Variants in DSG2 observed in about 807,000 individuals in gnomAD.
DSG2 encodes desmoglein 2.
Under a neutral mutation model 75.6 loss-of-function variants are expected in DSG2, and 45 were observed. The ratio of observed to expected loss-of-function variants is 0.60; its 90% CI spans 0.47 to 0.76. The LOEUF (loss-of-function observed/expected upper bound fraction) is 0.76, where lower values mean the gene tolerates loss of function less well. DSG2 is among the 30% of genes least tolerant of loss of function. The pLI, the probability that DSG2 is intolerant of heterozygous loss-of-function variation, is 0.00. For missense variants in DSG2, 1,267 were observed against 1,357.4 expected, an observed-to-expected ratio of 0.93 and a Z score of 1.05; for synonymous variants, 429 against 483.9, an observed-to-expected ratio of 0.89 and a Z score of 1.49.
intron 1 of DSG2, among the ~76,000 whole-genome samples, chr18:31,513,449 C>T (rs1054631234): frequency 6.6e-6 from 1 of 152,182 alleles, no homozygotes; most frequent in Non-Finnish European, 1.5e-5. Context: ...CACATTTATG[C>T]CTAAACCAGC....
chr18:31,531,817 A>T (rs756031687), intron 9 of DSG2, among the ~76,000 whole-genome samples: 1 of 152,236 alleles, frequency 6.6e-6, no homozygotes, highest in African/African-American at 2.4e-5. Context: ...CAAGATGCTC[A>T]CTGTGTTGGA....
Position 31,522,185 on chromosome 18 carries a change from C to T in DSG2, c.626C>T (p.Pro209Leu). The T allele has an allele frequency of 1.2e-6, 2 of 1,613,836 alleles. No individual in the cohort carries two copies. The highest frequency in any genetic ancestry group is 8.5e-7 in the Non-Finnish European group (1 of 1,179,804). Residue 209 changes from proline to leucine, a missense_variant, in exon 6 of 15, where the codon CCA becomes CTA. Physicochemically the swap from Pro to Leu is moderately conservative, Grantham distance 98. Coordinates refer to ENST00000261590, the MANE Select transcript of DSG2 (RefSeq NM_001943.5). Reference protein sequence around the residue: ...RIVSLEPAYPPVFYLNKDTGE... With the variant: ...RIVSLEPAYPLVFYLNKDTGE... ...GTATCTCTGGAGCCTGCTTATCCTC[C>T]AGTGTTCTACCTAAATAAAGATACA...
intron 1 of DSG2, among the ~76,000 whole-genome samples, chr18:31,506,433 C>T (rs2073039587): frequency 6.6e-6 from 1 of 152,218 alleles, no homozygotes; most frequent in Admixed American, 6.5e-5. Context: ...TCACTCTTTT[C>T]AATTTTGCTG....
Position 31,546,339 on chromosome 18 carries a change from G to A in DSG2, c.2953G>A (p.Val985Ile), listed in dbSNP as rs749540432. The A allele has an allele frequency of 1.3e-5, 21 of 1,612,418 alleles. No individual in the cohort carries two copies. In the Middle Eastern group the frequency reaches 4.9e-4, roughly 38 times the overall value. The change falls in exon 15 of 15, where the codon GTT becomes ATT. Residue 985 changes from valine to isoleucine, a missense_variant. Coordinates refer to ENST00000261590, the MANE Select transcript of DSG2 (RefSeq NM_001943.5). ...TCAGCCTTATGCTAATGAAGGTACA[G>A]TTGTGGTCACTGAAAGAGTAATACA... is the stretch of plus-strand genomic sequence containing the variant. ...VDQPYANEGTVVVTERVIQPH... is the reference protein window; with the variant it reads ...VDQPYANEGTIVVTERVIQPH...
At chr18:31,528,189 T>C (rs888453449) in intron 8 of DSG2, among the ~76,000 whole-genome samples, 5 of 152,304 alleles carry the variant, frequency 3.3e-5, no homozygotes, top group African/African-American at 1.2e-4. Context: ...ATGATTTGAT[T>C]CTTAGGTTTC....
chr18:31,540,618 A>G (rs938988485), intron 12 of DSG2, among the ~76,000 whole-genome samples: 4 of 152,222 alleles, frequency 2.6e-5, no homozygotes, highest in African/African-American at 9.6e-5. Context: ...AAACGAATCT[A>G]GGCAGTAGCC....
At position 31,538,809 on chromosome 18, in the gene DSG2, C is replaced by T. The variant is rs746982893; in HGVS notation, c.1710C>T (p.Phe570=). 2 of 1,614,176 alleles carry T rather than the reference C, an allele frequency of 1.2e-6. No homozygotes were observed. The highest frequency in any genetic ancestry group is 3.3e-5 in the Admixed American group (2 of 60,014). ...AGCTTGGGAGAAGTGAAATTCAGTT[C>T]CTGATTTCAGACAATCAGGGTTTTA... ...EKKLGRSEIQ[F]LISDNQGFSC... is the part of the protein sequence containing the mutation. Residue 570 remains phenylalanine (F), a synonymous_variant, in exon 12 of 15, where the codon TTC becomes TTT. Transcript: ENST00000261590.
At chr18:31,511,857 C>T (rs2073068900) in intron 1 of DSG2, among the ~76,000 whole-genome samples, 1 of 152,112 alleles carries the variant, frequency 6.6e-6, no homozygotes, top group Non-Finnish European at 1.5e-5. Context: ...CCCAGAAGGC[C>T]CCTTGTGCTC....
chr18:31,507,717 A>G (rs1314724041), intron 1 of DSG2, among the ~76,000 whole-genome samples: 2 of 152,160 alleles, frequency 1.3e-5, no homozygotes, highest in African/African-American at 2.4e-5. Context: ...GGCTGCATAA[A>G]TGTCTTCTTT....
Position 31,511,412 on chromosome 18 carries a change from C to T in DSG2, c.46-6827C>T, listed in dbSNP as rs78454147. ...AGGAGCGGGGCAGGGCAAAACTGCC[C>T]CTAGTGGAGAACGATTGGTCTAAAT... On this transcript the variant is annotated intron_variant, in intron 1 of 14. Transcript: ENST00000261590. 6.0e-3 allele frequency among the ~76,000 whole-genome samples: 916 copies of T among 152,244 alleles called. 36 individuals carry two copies. In the East Asian group the frequency reaches 0.1, roughly 17 times the overall value.
intron 6 of DSG2, among the ~76,000 whole-genome samples, chr18:31,522,805 A>T (rs1457532648): frequency 6.6e-6 from 1 of 152,168 alleles, no homozygotes; most frequent in Non-Finnish European, 1.5e-5. Flanking sequence ...GAGGAAAGGG[A>T]TGAAAATAGG....
intron 8 of DSG2, among the ~76,000 whole-genome samples, chr18:31,528,072 T>TTATA (rs755878891): frequency 1.3e-5 from 2 of 152,160 alleles, no homozygotes; most frequent in African/African-American, 2.4e-5. Flanking sequence ...ACAACACCAA[T>TTATA]TATTGGCAAA....
chr18:31,528,024 C>T (rs1321374061), intron 8 of DSG2, among the ~76,000 whole-genome samples: 3 of 152,042 alleles, frequency 2.0e-5, no homozygotes, highest in African/African-American at 4.8e-5. Context: ...AGTTTTAAGG[C>T]GACACAAACA....
chr18:31,536,544 GT>G, intron 11 of DSG2, 115 bp downstream of exon 11: 1 of 1,163,132 alleles, frequency 8.6e-7, no homozygotes, highest in Non-Finnish European at 1.2e-6. Context: ...TTTTAAAGGA[GT>G]TTATGAAATG....
In DSG2 at chr18:31,531,061, G is replaced by A. The variant is rs372598337; in HGVS notation, c.1089G>A (p.Ser363=). Residue 363 remains serine (S), a synonymous_variant, in exon 9 of 15, where the codon TCG becomes TCA. Coordinates refer to ENST00000261590, the MANE Select transcript of DSG2 (RefSeq NM_001943.5). ...IVANKAAFHK[S]IRSKYKPTPI... is the part of the protein sequence containing the mutation. ...CTAATAAAGCAGCTTTTCACAAGTC[G>A]ATTAGGAGTAAATACAAGCCTACAC... is the stretch of plus-strand genomic sequence containing the variant. 209 of 1,614,050 alleles carry A rather than the reference G, an allele frequency of 1.3e-4. 1 individual carries two copies. The highest frequency in any genetic ancestry group is 1.7e-4 in the Non-Finnish European group (196 of 1,179,988).
intron 9 of DSG2, among the ~76,000 whole-genome samples, chr18:31,532,644 T>C (rs1464402296): frequency 1.3e-5 from 2 of 152,218 alleles, no homozygotes; most frequent in East Asian, 3.8e-4. Context: ...TTTTCTGTAG[T>C]GCCTTGGTGA....
intron 11 of DSG2, among the ~76,000 whole-genome samples, chr18:31,536,984 A>G (rs1017717428): frequency 3.3e-5 from 5 of 152,208 alleles, no homozygotes; most frequent in African/African-American, 9.7e-5. Flanking sequence ...GGACATGTCC[A>G]TATGTCCACA....
intron 2 of DSG2, among the ~76,000 whole-genome samples, chr18:31,518,647 C>CTTTTATAATAATT (rs2073108601): frequency 6.6e-6 from 1 of 151,748 alleles, no homozygotes; most frequent in Non-Finnish European, 1.5e-5. Flanking sequence ...AGATATTAAT[C>CTTTTATAATAATT]AAGCTGTTAA....
intron 1 of DSG2, among the ~76,000 whole-genome samples, chr18:31,513,394 T>TAC (rs2073077242): frequency 6.6e-6 from 1 of 152,162 alleles, no homozygotes; most frequent in Non-Finnish European, 1.5e-5. Context: ...GTGAGGAGAA[T>TAC]CTTTTGTAGG....
Sources: allele counts gnomAD v4.1 joint callset (sites outside exome capture counted in the v4.1 genomes callset), GRCh38; gene constraint gnomAD v4.1.1; transcripts MANE v1.5; gene names NCBI Gene and HGNC (gene_info 2026-07-23, HGNC 2026-07-21).